Variants in GALNT13 observed in about 807,000 individuals in gnomAD.
GALNT13 encodes the protein polypeptide N-acetylgalactosaminyltransferase 13, also known as UDP-GalNAc:polypeptide N-acetylgalactosaminyltransferase 13.
Under a neutral mutation model 64.2 loss-of-function variants are expected in GALNT13, and 28 were observed. The observed-to-expected ratio is 0.44, with a 90% confidence interval of 0.32 to 0.60. GALNT13 has a LOEUF of 0.60. GALNT13 is among the 20% of genes least tolerant of loss of function. The probability of loss-of-function intolerance (pLI) is 0.05; values close to 1 mark genes in which losing one functional copy is unlikely to be tolerated. For synonymous variants in GALNT13, 214 were observed against 224.6 expected, an observed-to-expected ratio of 0.95 and a Z score of 0.42; for missense variants, 577 against 669.8, an observed-to-expected ratio of 0.86 and a Z score of 1.53.
At chr2:153,733,476 G>A in the GALNT13 span, among the ~76,000 whole-genome samples, 1 of 152,066 alleles carries the variant, frequency 6.6e-6, no homozygotes, top group Non-Finnish European at 1.5e-5. Context: ...AAAATCAGTT[G>A]GATACAGCCC....
chr2:153,521,674 A>C, the GALNT13 span, among the ~76,000 whole-genome samples: 2 of 152,100 alleles, frequency 1.3e-5, no homozygotes, highest in Non-Finnish European at 2.9e-5. Flanking sequence ...TGGCCCTCAA[A>C]ATCATCCGTA....
At chr2:153,970,671 T>TA (rs1465990376) in intron 3 of GALNT13, among the ~76,000 whole-genome samples, 1 of 152,200 alleles carries the variant, frequency 6.6e-6, no homozygotes, top group East Asian at 1.9e-4. Flanking sequence ...ATCTCAAACT[T>TA]ACCATATCCA....
chr2:153,364,143 G>A, the GALNT13 span, among the ~76,000 whole-genome samples: 1 of 152,106 alleles, frequency 6.6e-6, no homozygotes, highest in Admixed American at 6.5e-5. Context: ...AAAACCACAT[G>A]ATTATCTCAA....
chr2:153,755,884 G>A, the GALNT13 span, among the ~76,000 whole-genome samples: 2 of 152,036 alleles, frequency 1.3e-5, no homozygotes, highest in African/African-American at 4.8e-5. Flanking sequence ...AAAAAGTAAT[G>A]GACATTTTCT....
the GALNT13 span, among the ~76,000 whole-genome samples, chr2:153,440,657 A>G: frequency 6.6e-6 from 1 of 152,248 alleles, no homozygotes; most frequent in African/African-American, 2.4e-5. Flanking sequence ...CTGGCATGAG[A>G]TGGTATCTCA....
intron 3 of GALNT13, among the ~76,000 whole-genome samples, chr2:154,034,005 G>A (rs1359799875): frequency 1.3e-5 from 2 of 152,090 alleles, no homozygotes; most frequent in African/African-American, 2.4e-5. Context: ...AGTGACTGGA[G>A]CCCTCAGACA....
chr2:153,211,909 G>A, the GALNT13 span, among the ~76,000 whole-genome samples: 4 of 152,142 alleles, frequency 2.6e-5, no homozygotes, highest in Admixed American at 2.0e-4. Flanking sequence ...TGCAGAGAAA[G>A]ACACAGTTAC....
chr2:153,582,467 A>G, the GALNT13 span, among the ~76,000 whole-genome samples: 1 of 152,164 alleles, frequency 6.6e-6, no homozygotes, highest in African/African-American at 2.4e-5. Flanking sequence ...AATTCCGGTT[A>G]TACAGCAATT....
chr2:153,462,698 C>A, the GALNT13 span, among the ~76,000 whole-genome samples: 1 of 152,140 alleles, frequency 6.6e-6, no homozygotes, highest in Admixed American at 6.6e-5. Flanking sequence ...CTTGCCGAGC[C>A]ATACTATGCA....
At chr2:153,527,532 T>C in the GALNT13 span, among the ~76,000 whole-genome samples, 1 of 152,170 alleles carries the variant, frequency 6.6e-6, no homozygotes, top group Admixed American at 6.5e-5. Flanking sequence ...CTAAAGGGAA[T>C]ACTTTGATCA....
At chr2:153,230,569 G>T in the GALNT13 span, among the ~76,000 whole-genome samples, 2 of 152,038 alleles carry the variant, frequency 1.3e-5, no homozygotes, top group African/African-American at 2.4e-5. Flanking sequence ...CTTTTATTTT[G>T]CTCACAATGG....
At chr2:154,455,153 T>C (rs1702015386), downstream of GALNT13, among the ~76,000 whole-genome samples, 1 of 152,164 alleles carries the variant, frequency 6.6e-6, no homozygotes, top group South Asian at 2.1e-4. Flanking sequence ...CAGAACTGTT[T>C]TTACCTTTTT....
intron 9 of GALNT13, among the ~76,000 whole-genome samples, chr2:154,358,606 T>C (rs935968064): frequency 6.6e-6 from 1 of 152,004 alleles, no homozygotes; most frequent in Non-Finnish European, 1.5e-5. Flanking sequence ...TTTGGATCCA[T>C]GGGTTTTATT....
chr2:154,408,849 T>C lies in GALNT13; in HGVS notation c.1297-135T>C, dbSNP rs1030672909. Reference sequence around the variant, plus strand: ...AAAAAGACAAATATTTAAAGTAATATGTTTTTCTTGGAGAAATTTTCTTAT... The same window carrying C: ...AAAAAGACAAATATTTAAAGTAATACGTTTTTCTTGGAGAAATTTTCTTAT... On this transcript the variant is annotated intron_variant, in intron 10 of 12. Coordinates refer to ENST00000392825, the MANE Select transcript of GALNT13 (RefSeq NM_052917.4). 4 of 636,006 alleles carry C rather than the reference T, an allele frequency of 6.3e-6. No homozygotes were observed. In the African/African-American group the frequency reaches 7.4e-5, roughly 12 times the overall value. The allele number at this position is 636,006 out of a possible 1,614,324, so 39.4% of individuals were successfully genotyped here. A position where few individuals can be genotyped will look rare whatever the true frequency, so the allele number is the denominator to read the frequency against.
the GALNT13 span, among the ~76,000 whole-genome samples, chr2:153,591,429 C>G: frequency 6.6e-6 from 1 of 151,908 alleles, no homozygotes; most frequent in Non-Finnish European, 1.5e-5. Flanking sequence ...CATAATTTCC[C>G]TCAGAATTAG....
chr2:153,326,885 A>G, the GALNT13 span, among the ~76,000 whole-genome samples: 1 of 152,096 alleles, frequency 6.6e-6, no homozygotes, highest in African/African-American at 2.4e-5. Flanking sequence ...GGAGTTTGAG[A>G]CCAGCCTGAC....
At chr2:153,360,020 G>A in the GALNT13 span, among the ~76,000 whole-genome samples, 3 of 152,334 alleles carry the variant, frequency 2.0e-5, no homozygotes, top group South Asian at 6.2e-4. Context: ...TCAGCTAGAA[G>A]CAGCAGTGAT....
At chr2:153,397,793 C>A in the GALNT13 span, among the ~76,000 whole-genome samples, 1 of 152,032 alleles carries the variant, frequency 6.6e-6, no homozygotes, top group Non-Finnish European at 1.5e-5. Flanking sequence ...AATTTACTGA[C>A]GTTTCCACAC....
chr2:153,082,822 T>TTTTA, the GALNT13 span, among the ~76,000 whole-genome samples: 4 of 146,490 alleles, frequency 2.7e-5, no homozygotes, highest in Admixed American at 1.4e-4. Flanking sequence ...ATAAAATATA[T>TTTTA]TTTATTTATT....
Sources: gnomAD v4.1 joint callset for allele counts (sites outside exome capture counted in the v4.1 genomes callset) on GRCh38, gnomAD v4.1.1 for gene constraint, MANE v1.5 for transcripts, NCBI Gene and HGNC (gene_info 2026-07-23, HGNC 2026-07-21) for gene names.